FBXL4: variants seen among roughly 807,000 people sequenced by gnomAD.
The protein encoded by FBXL4 is F-box/LRR-repeat protein 4.
In FBXL4, 40 loss-of-function variants were observed where a neutral mutation model predicts 58.9. The ratio of observed to expected loss-of-function variants is 0.68; its 90% CI spans 0.53 to 0.88. The LOEUF (loss-of-function observed/expected upper bound fraction) is 0.88, where lower values mean the gene tolerates loss of function less well. FBXL4 is among the 40% of genes least tolerant of loss of function. FBXL4 has a pLI of 0.00. For synonymous variants in FBXL4, 263 were observed against 265.5 expected, an observed-to-expected ratio of 0.99 and a Z score of 0.09; for missense variants, 676 against 734.4, an observed-to-expected ratio of 0.92 and a Z score of 0.92.
chr6:98,876,111 T>C (rs1770653011), intron 8 of FBXL4, among the ~76,000 whole-genome samples: 1 of 152,350 alleles, frequency 6.6e-6, no homozygotes, highest in Non-Finnish European at 1.5e-5. Context: ...ATGGCTAATA[T>C]ACTTTGGCAA....
chr6:98,896,283 A>T (rs1320915676), intron 7 of FBXL4, among the ~76,000 whole-genome samples: 1 of 152,160 alleles, frequency 6.6e-6, no homozygotes. Flanking sequence ...GTGTGTATCA[A>T]AGGAAGAAGG....
At chr6:98,941,225 A>AG (rs1424771439) in intron 1 of FBXL4, among the ~76,000 whole-genome samples, 4 of 148,814 alleles carry the variant, frequency 2.7e-5, no homozygotes, top group South Asian at 2.2e-4. Flanking sequence ...GTTACTACTC[A>AG]GGAAAAAAAA....
chr6:98,935,437 T>C (rs1773173824), intron 1 of FBXL4, among the ~76,000 whole-genome samples: 1 of 152,120 alleles, frequency 6.6e-6, no homozygotes, highest in Non-Finnish European at 1.5e-5. Flanking sequence ...TAGAAATAGA[T>C]TCCACTGTTA....
At chr6:98,943,033 T>C (rs958947721) in intron 1 of FBXL4, among the ~76,000 whole-genome samples, 2 of 152,104 alleles carry the variant, frequency 1.3e-5, no homozygotes, top group African/African-American at 4.8e-5. Context: ...TAAAATTACT[T>C]ACAACTAAAC....
In FBXL4 at chr6:98,870,017, CA is replaced by C; in HGVS notation, c.*4260del. ...TTATACAAAAATTTAAGTCAGTTGT[CA>C]AAGCTAACAATGCATCACCTGGCTT... On this transcript the variant is annotated 3_prime_UTR_variant, in exon 10 of 10. Transcript: ENST00000369244. 6.6e-6 allele frequency: 1 copy of C among 152,260 alleles called. No individual in the cohort carries two copies. The allele number at this position is 152,260 out of a possible 1,614,324, so 9.4% of individuals were successfully genotyped here.
chr6:98,883,956 CTTAAA>C (rs1039909263), intron 7 of FBXL4, among the ~76,000 whole-genome samples: 3 of 151,658 alleles, frequency 2.0e-5, no homozygotes, highest in African/African-American at 4.8e-5. Flanking sequence ...ATTAATTTTT[CTTAAA>C]TTAATCTCCC....
At chr6:98,888,852 C>G (rs1771126408) in intron 7 of FBXL4, among the ~76,000 whole-genome samples, 1 of 152,186 alleles carries the variant, frequency 6.6e-6, no homozygotes, top group Non-Finnish European at 1.5e-5. Flanking sequence ...CAGTAGAATA[C>G]ATGTTCATAA....
chr6:98,918,387 C>T (rs1364188137), intron 4 of FBXL4, among the ~76,000 whole-genome samples: 1 of 152,120 alleles, frequency 6.6e-6, no homozygotes, highest in African/African-American at 2.4e-5. Context: ...CCAGATTAAT[C>T]ATTATTTTCC....
chr6:98,947,075 C>T (rs1201648365), intron 1 of FBXL4, among the ~76,000 whole-genome samples: 3 of 152,236 alleles, frequency 2.0e-5, no homozygotes, highest in Non-Finnish European at 2.9e-5. Flanking sequence ...CAAAGCCAGA[C>T]GGGCATCCTG....
chr6:98,870,776 T>C lies in FBXL4; in HGVS notation c.*3502A>G, dbSNP rs879734330. 6.6e-6 allele frequency: 1 copy of C among 152,204 alleles called. No homozygotes were observed. Among genetic ancestry groups the C allele is most frequent in the Non-Finnish European group, 1.5e-5 (1 of 68,040 alleles). The allele number at this position is 152,204 out of a possible 1,614,324, so 9.4% of individuals were successfully genotyped here. A position where few individuals can be genotyped will look rare whatever the true frequency, so the allele number is the denominator to read the frequency against. ...GTTTAATATGCAATGTCATTATAGCTGTTCTTAAAGAATACTATAGGGAGG... is the reference window on the plus strand; with the variant it reads ...GTTTAATATGCAATGTCATTATAGCCGTTCTTAAAGAATACTATAGGGAGG... On this transcript the variant is annotated 3_prime_UTR_variant, in exon 10 of 10. Transcript: ENST00000369244.
chr6:98,912,649 C>A (rs960277754), intron 5 of FBXL4, among the ~76,000 whole-genome samples: 1 of 151,888 alleles, frequency 6.6e-6, no homozygotes, highest in Non-Finnish European at 1.5e-5. Context: ...CACCACCAGG[C>A]CTGCCCTAAA....
At chr6:98,921,793 C>T (rs1688547679) in intron 4 of FBXL4, among the ~76,000 whole-genome samples, 1 of 152,022 alleles carries the variant, frequency 6.6e-6, no homozygotes, top group Non-Finnish European at 1.5e-5. Flanking sequence ...GTGCTTTGAA[C>T]ACTGAAAAAA....
Position 98,942,085 on chromosome 6 carries a change from T to C in FBXL4, c.-309+5721A>G, listed in dbSNP as rs1468929796. 7.5e-5 allele frequency among the ~76,000 whole-genome samples: 11 copies of C among 147,646 alleles called. No homozygotes were observed. The East Asian group carries it at 2.2e-3, about 30-fold the overall frequency. On this transcript the variant is annotated intron_variant, in intron 1 of 9. Transcript: ENST00000369244. ...AGGAAATTCTAAAGGAAAAAAAAAA[T>C]GGCTCAAACTCTTATTCACATAGAA... is the stretch of plus-strand genomic sequence containing the variant.
chr6:98,930,190 C>T (rs761759431), intron 2 of FBXL4, among the ~76,000 whole-genome samples: 1 of 152,146 alleles, frequency 6.6e-6, no homozygotes, highest in Non-Finnish European at 1.5e-5. Context: ...GAGGGATTTG[C>T]AGCACAAGAA....
At chr6:98,898,511 A>G in intron 7 of FBXL4, 1 of 916,882 alleles carries the variant, frequency 1.1e-6, no homozygotes, top group Non-Finnish European at 1.3e-6. Context: ...AGGCTGAGGC[A>G]GGAGAATCGC....
At chr6:98,928,815 T>C (rs937808367) in intron 2 of FBXL4, among the ~76,000 whole-genome samples, 6 of 152,260 alleles carry the variant, frequency 3.9e-5, no homozygotes, top group Non-Finnish European at 5.9e-5. Context: ...GACCAATCTC[T>C]TCTTGTCTAA....
intron 7 of FBXL4, among the ~76,000 whole-genome samples, chr6:98,886,267 C>T (rs1771035740): frequency 6.6e-6 from 1 of 151,866 alleles, no homozygotes; most frequent in Non-Finnish European, 1.5e-5. Flanking sequence ...AGTAGGACTG[C>T]CTTGCCTTAG....
At chr6:98,887,770 AT>A (rs1771091223) in intron 7 of FBXL4, among the ~76,000 whole-genome samples, 1 of 152,204 alleles carries the variant, frequency 6.6e-6, no homozygotes, top group Non-Finnish European at 1.5e-5. Flanking sequence ...AAGAACAATG[AT>A]GACCTTGGAA....
At chr6:98,877,834 A>G (rs1383397992) in intron 8 of FBXL4, among the ~76,000 whole-genome samples, 1 of 152,164 alleles carries the variant, frequency 6.6e-6, no homozygotes, top group African/African-American at 2.4e-5. Context: ...TGGAATTTAA[A>G]CTTTTTAAAG....
Sources: allele counts gnomAD v4.1 joint callset (sites outside exome capture counted in the v4.1 genomes callset), GRCh38; gene constraint gnomAD v4.1.1; transcripts MANE v1.5; gene names NCBI Gene and HGNC (gene_info 2026-07-23, HGNC 2026-07-21).